OTOGL: variants seen among roughly 807,000 people sequenced by gnomAD.
OTOGL encodes the protein otogelin-like protein.
A neutral mutation model predicts 318.5 loss-of-function variants in OTOGL; 285 were observed. That is an observed-to-expected ratio of 0.89 (90% CI 0.81 to 0.99). OTOGL has a LOEUF of 0.99. Among genes scored for constraint, OTOGL ranks in the 50% least tolerant of loss-of-function variants. The pLI is 0.00. For synonymous variants in OTOGL, 987 were observed against 936.5 expected, an observed-to-expected ratio of 1.05 and a Z score of -0.99; for missense variants, 2,899 against 2,845.6, an observed-to-expected ratio of 1.02 and a Z score of -0.43.
chr12:80,267,020 A>G (rs1406157465), intron 21 of OTOGL, among the ~76,000 whole-genome samples: 1 of 152,198 alleles, frequency 6.6e-6, no homozygotes, highest in Non-Finnish European at 1.5e-5. Context: ...TCTTGTGACT[A>G]AAACAACACA....
intron 11 of OTOGL, among the ~76,000 whole-genome samples, chr12:80,240,425 C>A (rs1227687331): frequency 6.6e-6 from 1 of 151,800 alleles, no homozygotes; most frequent in African/African-American, 2.4e-5. Flanking sequence ...ACATAAGATA[C>A]CAAACAAAAC....
At chr12:80,328,590 A>C in intron 35 of OTOGL, 75 bp from the exon 36 acceptor site, 4 of 1,092,808 alleles carry the variant, frequency 3.7e-6, no homozygotes, top group South Asian at 2.8e-5. Flanking sequence ...TTAGTCGCAT[A>C]TGTTAAATGT....
intron 1 of OTOGL, among the ~76,000 whole-genome samples, chr12:80,162,670 C>T (rs11614157): frequency 0.049 from 7,479 of 152,060 alleles, 258 homozygotes; most frequent in Non-Finnish European, 0.075. Context: ...ACATGTCTGT[C>T]TCTGTCCAAA....
rs115109358 is a variant in OTOGL at position 80,239,916 on chromosome 12, A to T, written c.1052+477A>T. 1.9e-3 allele frequency among the ~76,000 whole-genome samples: 288 copies of T among 152,042 alleles called. 1 individual carries two copies. Among genetic ancestry groups the T allele is most frequent in the African/African-American group, 6.8e-3 (281 of 41,502 alleles). ...CCTTCCTGGACTCTGGTAACCACCA[A>T]TCTACACTCTATCTTCATGAGATTC... On this transcript the variant is annotated intron_variant, in intron 11 of 58. Transcript: ENST00000547103.
intron 34 of OTOGL, among the ~76,000 whole-genome samples, chr12:80,321,471 T>G (rs1487777152): frequency 3.9e-5 from 6 of 152,098 alleles, no homozygotes; most frequent in African/African-American, 1.4e-4. Context: ...AAATACCTAA[T>G]GTTAAATGAC....
In OTOGL at chr12:80,188,516, C is replaced by A. The variant is rs373778600; in HGVS notation, c.-19-20897C>A. ...TCACACCACTGCATTCCAGCCTGGG[C>A]GACAGAGTGAGACTCTGTCTCAAAA... On this transcript the variant is annotated intron_variant, in intron 1 of 58. Transcript: ENST00000547103. 5.4e-5 allele frequency among the ~76,000 whole-genome samples: 8 copies of A among 148,172 alleles called. No homozygotes were observed. In the South Asian group the frequency reaches 1.7e-3, roughly 32 times the overall value.
At chr12:80,295,102 A>G (rs1418460019) in intron 26 of OTOGL, among the ~76,000 whole-genome samples, 3 of 151,410 alleles carry the variant, frequency 2.0e-5, no homozygotes, top group Non-Finnish European at 4.4e-5. Flanking sequence ...CCATCTGAAA[A>G]ACAACAACAA....
intron 1 of OTOGL, among the ~76,000 whole-genome samples, chr12:80,203,385 A>G (rs565460328): frequency 2.0e-5 from 3 of 152,016 alleles, no homozygotes; most frequent in African/African-American, 4.8e-5. Flanking sequence ...ATAATCCAGG[A>G]TAATCTCCCC....
intron 6 of OTOGL, among the ~76,000 whole-genome samples, chr12:80,220,479 AG>A (rs1177721337): frequency 1.3e-5 from 2 of 152,094 alleles, no homozygotes; most frequent in Non-Finnish European, 2.9e-5. Context: ...TATTAAAACC[AG>A]GTTCTCATTC....
At chr12:80,267,581 C>G (rs1437122659) in intron 22 of OTOGL, among the ~76,000 whole-genome samples, 3 of 121,690 alleles carry the variant, frequency 2.5e-5, no homozygotes, top group African/African-American at 9.1e-5. Context: ...ACAACAGGCC[C>G]CGGTGTATGA....
chr12:80,186,073 A>G (rs1875268050), intron 1 of OTOGL, among the ~76,000 whole-genome samples: 1 of 152,190 alleles, frequency 6.6e-6, no homozygotes, highest in Non-Finnish European at 1.5e-5. Context: ...GTGTCCTTAA[A>G]GTCATACCCT....
chr12:80,161,288 A>T (rs1438714993), intron 1 of OTOGL, among the ~76,000 whole-genome samples: 1 of 152,122 alleles, frequency 6.6e-6, no homozygotes, highest in Non-Finnish European at 1.5e-5. Flanking sequence ...AAAGGGAAAA[A>T]TGAGAGACGT....
Position 80,265,142 on chromosome 12 carries a change from C to A in OTOGL, c.2156C>A (p.Ala719Asp), listed in dbSNP as rs900992940. The change falls in exon 20 of 59, where the codon GCC becomes GAC. Residue 719 changes from alanine to aspartate, a missense_variant. Around this residue, in one of 3 missense-constraint regions of OTOGL, gnomAD observed 2,607 missense variants for 2,524.9 expected, o/e 1.03. Coordinates refer to ENST00000547103, the MANE Select transcript of OTOGL (RefSeq NM_001378609.3). ...CGSSCLCNALAHYAYLCGQHG... is the reference protein window; with the variant it reads ...CGSSCLCNALDHYAYLCGQHG... ...AGCTCCTGCCTGTGCAATGCTCTTGCCCACTATGCCTACCTCTGCGGCCAG... is the reference window on the plus strand; with the variant it reads ...AGCTCCTGCCTGTGCAATGCTCTTGACCACTATGCCTACCTCTGCGGCCAG... 12 of 1,613,764 alleles carry A rather than the reference C, an allele frequency of 7.4e-6. No homozygotes were observed. Among genetic ancestry groups the A allele is most frequent in the Non-Finnish European group, 1.0e-5 (12 of 1,179,874 alleles).
intron 1 of OTOGL, among the ~76,000 whole-genome samples, chr12:80,117,312 CTTTT>C (rs1222960795): frequency 6.6e-6 from 1 of 151,972 alleles, no homozygotes; most frequent in African/African-American, 2.4e-5. Flanking sequence ...TAAAACAAGA[CTTTT>C]TTTATTAATG....
chr12:80,267,963 A>G (rs1298507139), intron 22 of OTOGL, among the ~76,000 whole-genome samples: 1 of 149,728 alleles, frequency 6.7e-6, no homozygotes, highest in African/African-American at 2.6e-5. Context: ...GTATTACTGA[A>G]TAGGCTCAAA....
intron 44 of OTOGL, among the ~76,000 whole-genome samples, chr12:80,344,306 T>C (rs1290215619): frequency 6.6e-6 from 1 of 152,238 alleles, no homozygotes; most frequent in Non-Finnish European, 1.5e-5. Context: ...TCAGCTTGAC[T>C]ATTCAAGGCA....
At chr12:80,300,800 C>G (rs1301064098) in intron 27 of OTOGL, among the ~76,000 whole-genome samples, 1 of 152,066 alleles carries the variant, frequency 6.6e-6, no homozygotes, top group South Asian at 2.1e-4. Context: ...GAACACCAAG[C>G]GCACAGGACT....
chr12:80,307,603 T>C (rs56197285), intron 29 of OTOGL, among the ~76,000 whole-genome samples: 127,195 of 133,368 alleles, frequency 0.95, 60,648 homozygotes, highest in Middle Eastern at 0.99. Flanking sequence ...GGCGGCTGGC[T>C]GGGCGGGGGG....
At chr12:80,310,540 T>C in intron 29 of OTOGL, 71 bp from the exon 30 acceptor site, 1 of 1,006,902 alleles carries the variant, frequency 9.9e-7, no homozygotes, top group Non-Finnish European at 1.5e-6. Context: ...ATGAGTGAAG[T>C]TGGGTAGGTT....
Sources: allele counts gnomAD v4.1 joint callset (sites outside exome capture counted in the v4.1 genomes callset), GRCh38; gene constraint gnomAD v4.1.1; regional missense constraint gnomAD v4.1.1; transcripts MANE v1.5; gene names NCBI Gene and HGNC (gene_info 2026-07-23, HGNC 2026-07-21).